The following MIP variants were observed in gnomAD, a reference collection of about 807,000 sequenced individuals.
MIP encodes the protein major intrinsic protein of lens fiber.
MIP carries 14 observed loss-of-function variants against 21.8 expected under a neutral mutation model. The observed-to-expected ratio is 0.64, with a 90% CI of 0.42 to 1.00. The LOEUF is 1.00. MIP is among the 50% of genes least tolerant of loss of function. The pLI, the probability that MIP is intolerant of heterozygous loss-of-function variation, is 0.00. For synonymous variants in MIP, 133 were observed against 141.4 expected (o/e 0.94, Z 0.42); for missense variants, 260 against 333.5 (o/e 0.78, Z 1.72).
chr12:56,451,143 A>C lies in MIP; in HGVS notation c.*137T>G, dbSNP rs1177522622. On this transcript the variant is annotated 3_prime_UTR_variant, in exon 4 of 4. Transcript: ENST00000652304. Reference sequence around the variant, plus strand: ...CACACAGCAAAAGGAAAAAAAAAAAAAAAACAACCACATACATAAGTTAAA... The same window carrying C: ...CACACAGCAAAAGGAAAAAAAAAAACAAAACAACCACATACATAAGTTAAA... 9 of 721,050 alleles carry C rather than the reference A, an allele frequency of 1.2e-5. No homozygotes were observed. The Admixed American group carries it at 2.6e-4, about 21-fold the overall frequency. The allele number at this position is 721,050 out of a possible 1,614,324, so 44.7% of individuals were successfully genotyped here. A position where few individuals can be genotyped will look rare whatever the true frequency, so the allele number is the denominator to read the frequency against.
rs1464195693 is a variant in MIP, at chr12:56,449,744, G to A, written c.*1536C>T. 4 of 152,126 alleles carry A rather than the reference G, an allele frequency of 2.6e-5. No homozygotes were observed. The highest frequency in any genetic ancestry group is 5.9e-5 in the Non-Finnish European group (4 of 68,034). 9.4% of individuals were successfully genotyped at this position (152,126 alleles called of 1,614,324 possible). On this transcript the variant is annotated 3_prime_UTR_variant, in exon 4 of 4. Transcript: ENST00000652304. The stretch of plus-strand genomic sequence containing the variant: ...TGGTCTTCTGGGATAGGGGATGTCC[G>A]TTGTATTATAGGTATAAATTTAAAG...
rs550787777 is a variant in MIP at position 56,451,046 on chromosome 12, G to T, written c.*234C>A. On this transcript the variant is annotated 3_prime_UTR_variant, in exon 4 of 4. Transcript: ENST00000652304. ...ATTCATATGCACAATCAGCACACAC[G>T]GCGAAGGGTGGTGGGATGGGGAGGA... 3 of 540,952 alleles carry T rather than the reference G, an allele frequency of 5.5e-6. No individual in the cohort carries two copies. The highest frequency in any genetic ancestry group is 3.8e-5 in the African/African-American group (2 of 52,392). 33.5% of individuals were successfully genotyped at this position (540,952 alleles called of 1,614,324 possible).
rs1868597135 is a variant in MIP, at chr12:56,451,181, A to T, written c.*99T>A. 1.0e-6 allele frequency: 1 copy of T among 988,478 alleles called. No homozygotes were observed. The highest frequency in any genetic ancestry group is 1.6e-6 in the Non-Finnish European group (1 of 635,946). The allele number at this position is 988,478 out of a possible 1,614,324, so 61.2% of individuals were successfully genotyped here. A position where few individuals can be genotyped will look rare whatever the true frequency, so the allele number is the denominator to read the frequency against. On this transcript the variant is annotated 3_prime_UTR_variant, in exon 4 of 4. Coordinates refer to ENST00000652304, the MANE Select transcript of MIP (RefSeq NM_012064.4). ...TACATAAGTTAAAAAATAAAGAAGTACATGACCCTCCCCACAGTCTCTTTC... is the reference window on the plus strand; with the variant it reads ...TACATAAGTTAAAAAATAAAGAAGTTCATGACCCTCCCCACAGTCTCTTTC...
At position 56,453,145 on chromosome 12, in the gene MIP, T is replaced by C; in HGVS notation, c.533A>G (p.Tyr178Cys). Reference sequence around the variant, plus strand: ...GGCAGGATTCATGCCTGCACCAGTATAATACATCTGCAAAAGAGACAGTTG... The same window carrying C: ...GGCAGGATTCATGCCTGCACCAGTACAATACATCTGCAAAAGAGACAGTTG... Reference protein sequence around the residue: ...LALGHLFGMYYTGAGMNPARS... With the variant: ...LALGHLFGMYCTGAGMNPARS... The change falls in exon 3 of 4, where the codon TAT becomes TGT. Residue 178 changes from tyrosine (Y) to cysteine (C), a missense_variant. Transcript: ENST00000652304. 1 of 1,612,176 alleles carries C rather than the reference T, an allele frequency of 6.2e-7. No homozygotes were observed. Among genetic ancestry groups the C allele is most frequent in the Non-Finnish European group, 8.5e-7 (1 of 1,178,224 alleles).
rs995674761 is a variant in MIP, at chr12:56,450,925, C to G, written c.*355G>C. Reference sequence around the variant, plus strand: ...AACTTAAGGTGTCGGTTACCCAGTACTCACCATACTGGGTCGAGGAAGGGA... The same window carrying G: ...AACTTAAGGTGTCGGTTACCCAGTAGTCACCATACTGGGTCGAGGAAGGGA... On this transcript the variant is annotated 3_prime_UTR_variant, in exon 4 of 4. Transcript: ENST00000652304. 1.0e-5 allele frequency: 3 copies of G among 296,274 alleles called. No homozygotes were observed. The highest frequency in any genetic ancestry group is 9.9e-5 in the South Asian group (3 of 30,420). 18.4% of individuals were successfully genotyped at this position (296,274 alleles called of 1,614,324 possible). A position where few individuals can be genotyped will look rare whatever the true frequency, so the allele number is the denominator to read the frequency against.
chr12:56,452,989 G>C, intron 3 of MIP, 83 bp downstream of exon 3: 2 of 952,384 alleles, frequency 2.1e-6, no homozygotes, highest in South Asian at 2.6e-5. Context: ...ACACGCAGAA[G>C]GAAAGCAGGA....
chr12:56,451,482 G>A lies in MIP; in HGVS notation c.607-17C>T. ...CCAGTACACCTGTAGAAAGAGAAAA[G>A]GAATACTCAGGCTTGGGGAGGGGAC... On this transcript the variant is annotated splice_polypyrimidine_tract_variant and intron_variant, in intron 3 of 3. Coordinates refer to ENST00000652304, the MANE Select transcript of MIP (RefSeq NM_012064.4). The A allele has an allele frequency of 6.2e-7, 1 of 1,612,788 alleles. No individual in the cohort carries two copies. The highest frequency in any genetic ancestry group is 8.5e-7 in the Non-Finnish European group (1 of 1,179,004).
intron 1 of MIP, 69 bp downstream of exon 1, chr12:56,454,185 C>G (rs886537755): frequency 4.2e-5 from 68 of 1,604,680 alleles, no homozygotes; most frequent in Non-Finnish European, 5.7e-5. Flanking sequence ...TCACCTGCAC[C>G]AGTCAGGGAG....
In MIP at chr12:56,451,131, GAAAAAAAA is replaced by G; in HGVS notation, c.*141_*148del. 2 of 563,370 alleles carry G rather than the reference GAAAAAAAA, an allele frequency of 3.6e-6. No individual in the cohort carries two copies. Among genetic ancestry groups the G allele is most frequent in the South Asian group, 4.4e-5 (2 of 45,522 alleles). 34.9% of individuals were successfully genotyped at this position (563,370 alleles called of 1,614,324 possible). ...CTTGAAAGATTTCACACAGCAAAAG[GAAAAAAAA>G]AAAAAAAACAACCACATACATAAGT... On this transcript the variant is annotated 3_prime_UTR_variant, in exon 4 of 4. Transcript: ENST00000652304.
Position 56,453,289 on chromosome 12 carries a change from T to C in MIP, c.526-137A>G, listed in dbSNP as rs981282457. On this transcript the variant is annotated intron_variant, in intron 2 of 3. Transcript: ENST00000652304. The stretch of plus-strand genomic sequence containing the variant: ...TGGAGAGGGACAGCCTGCATGACTC[T>C]CCAGGGGTTCCTGCAATGGGGTGAG... 7 of 761,546 alleles carry C rather than the reference T, an allele frequency of 9.2e-6. No individual in the cohort carries two copies. The African/African-American group carries it at 1.0e-4, about 11-fold the overall frequency. 47.2% of individuals were successfully genotyped at this position (761,546 alleles called of 1,614,324 possible). A position where few individuals can be genotyped will look rare whatever the true frequency, so the allele number is the denominator to read the frequency against.
rs780628622 is a variant in MIP, at chr12:56,454,241, A to C, written c.360+13T>G. The C allele has an allele frequency of 6.2e-7, 1 of 1,614,054 alleles. No individual in the cohort carries two copies. The highest frequency in any genetic ancestry group is 8.5e-7 in the Non-Finnish European group (1 of 1,180,020). On this transcript the variant is annotated intron_variant, in intron 1 of 3. Transcript: ENST00000652304. The stretch of plus-strand genomic sequence containing the variant: ...GACACCAGGTTCCCCATCCCCTCTC[A>C]GCCAACCATTACCGTGTTGAGTGCT...
Position 56,451,277 on chromosome 12 carries a change from C to G in MIP, c.*3G>C, listed in dbSNP as rs1189212363. The G allele has an allele frequency of 3.1e-6, 5 of 1,613,220 alleles. No individual in the cohort carries two copies. Among genetic ancestry groups the G allele is most frequent in the Admixed American group, 1.7e-5 (1 of 60,024 alleles). On this transcript the variant is annotated 3_prime_UTR_variant, in exon 4 of 4. Coordinates refer to ENST00000652304, the MANE Select transcript of MIP (RefSeq NM_012064.4). The stretch of plus-strand genomic sequence containing the variant: ...TTCTACTCCCTCTATTCAGCTGGAG[C>G]TTCTACAGGGCCTGGGTGTTCAGTT...
Position 56,451,477 on chromosome 12 carries a change from G to A in MIP, c.607-12C>T, listed in dbSNP as rs753998562. 5.6e-6 allele frequency: 9 copies of A among 1,613,432 alleles called. No homozygotes were observed. In the South Asian group the frequency reaches 9.9e-5, roughly 18 times the overall value. ...CCTACCCAGTACACCTGTAGAAAGA[G>A]AAAAGGAATACTCAGGCTTGGGGAG... On this transcript the variant is annotated splice_polypyrimidine_tract_variant and intron_variant, in intron 3 of 3. Coordinates refer to ENST00000652304, the MANE Select transcript of MIP (RefSeq NM_012064.4).
chr12:56,456,181 C>A (rs1451906700), upstream of MIP, among the ~76,000 whole-genome samples: 1 of 152,158 alleles, frequency 6.6e-6, no homozygotes, highest in Non-Finnish European at 1.5e-5. Flanking sequence ...AGTAATGCTC[C>A]CAGATCCCAG....
intron 1 of MIP, among the ~76,000 whole-genome samples, 166 bp from the exon 2 acceptor site, chr12:56,453,921 G>A (rs1258997844): frequency 6.6e-6 from 1 of 152,190 alleles, no homozygotes; most frequent in African/African-American, 2.4e-5. Context: ...TCTCCTAACA[G>A]TGCTCCTTCA....
rs1299235302 is a variant in MIP, at chr12:56,453,733, C to A, written c.383G>T (p.Gly128Val). The change falls in exon 2 of 4, where the codon GGC becomes GTC. Residue 128 changes from glycine (G) to valine (V), a missense_variant. Gly to Val is a moderately radical substitution (Grantham distance 109). Coordinates refer to ENST00000652304, the MANE Select transcript of MIP (RefSeq NM_012064.4). Reference sequence around the variant, plus strand: ...GAAGATCTCCACTGTGGTTGCCTGGCCCACGCTCACCGCAGGGTGCAACTG... The same window carrying A: ...GAAGATCTCCACTGTGGTTGCCTGGACCACGCTCACCGCAGGGTGCAACTG... ...LNTLHPAVSV[G>V]QATTVEIFLT... 1 of 1,613,826 alleles carries A rather than the reference C, an allele frequency of 6.2e-7. No individual in the cohort carries two copies. Among genetic ancestry groups the A allele is most frequent in the Non-Finnish European group, 8.5e-7 (1 of 1,179,966 alleles).
At chr12:56,453,288 C>T (rs1442627253) in intron 2 of MIP, 136 bp from the exon 3 acceptor site, 1 of 767,318 alleles carries the variant, frequency 1.3e-6, no homozygotes, top group African/African-American at 1.7e-5. Context: ...CTGCATGACT[C>T]TCCAGGGGTT....
Position 56,454,311 on chromosome 12 carries a change from G to C in MIP, c.303C>G (p.Ala101=). ...AAQLLGAVAG[A]AVLYSVTPPA... ...GTGGGGTAACGCTATACAGCACAGC[G>C]GCCCCAGCCACAGCTCCCAGGAGCT... The change falls in exon 1 of 4, where the codon GCC becomes GCG. Residue 101 remains alanine, a synonymous_variant. Transcript: ENST00000652304. The C allele has an allele frequency of 6.2e-7, 1 of 1,613,940 alleles. No individual in the cohort carries two copies. The highest frequency in any genetic ancestry group is 1.3e-5 in the African/African-American group (1 of 75,034).
Position 56,454,476 on chromosome 12 carries a change from C to T in MIP, c.138G>A (p.Met46Ile). The change falls in exon 1 of 4, where the codon ATG (methionine) becomes ATA (isoleucine). Residue 46 changes from methionine (M) to isoleucine (I), a missense_variant. Coordinates refer to ENST00000652304, the MANE Select transcript of MIP (RefSeq NM_012064.4). ...GTGTAGCCAGGGCCAAGCCAAATGC[C>T]ATAGCCACCTGCAGAACATGCAGGG... ...PGPLHVLQVA[M>I]AFGLALATLV... 6.2e-7 allele frequency: 1 copy of T among 1,613,080 alleles called. No individual in the cohort carries two copies. The highest frequency in any genetic ancestry group is 1.1e-5 in the South Asian group (1 of 90,996).
Sources: gnomAD v4.1 joint callset for allele counts (sites outside exome capture counted in the v4.1 genomes callset) on GRCh38, gnomAD v4.1.1 for gene constraint, MANE v1.5 for transcripts, NCBI Gene and HGNC (gene_info 2026-07-23, HGNC 2026-07-21) for gene names.